Variants in SBF2 observed in about 807,000 individuals in gnomAD.
The protein encoded by SBF2 is SET binding factor 2.
A neutral mutation model predicts 225.2 loss-of-function variants in SBF2; 112 were observed. The observed-to-expected ratio is 0.50, with a 90% CI of 0.43 to 0.58. The LOEUF is 0.58. Among genes scored for constraint, SBF2 ranks in the 20% least tolerant of loss-of-function variants. The probability of loss-of-function intolerance (pLI) is 0.00; values close to 1 mark genes in which losing one functional copy is unlikely to be tolerated. For missense variants in SBF2, 1,996 were observed against 2,206.2 expected (o/e 0.90, Z 1.91); for synonymous variants, 763 against 773.3 (o/e 0.99, Z 0.22).
chr11:10,124,683 G>A (rs932456240), intron 2 of SBF2, among the ~76,000 whole-genome samples: 2 of 152,120 alleles, frequency 1.3e-5, no homozygotes, highest in African/African-American at 2.4e-5. Context: ...TGTAGATAGA[G>A]CTATCACAAT....
chr11:9,822,178 G>A (rs887059989), intron 28 of SBF2, among the ~76,000 whole-genome samples: 1 of 151,810 alleles, frequency 6.6e-6, no homozygotes, highest in Non-Finnish European at 1.5e-5. Context: ...TGAAGACACT[G>A]AGAATTAAGA....
At chr11:9,966,650 T>A (rs1368367223) in intron 14 of SBF2, among the ~76,000 whole-genome samples, 1 of 152,090 alleles carries the variant, frequency 6.6e-6, no homozygotes. Context: ...GCAAATAATA[T>A]ATCTGGTAGG....
intron 26 of SBF2, among the ~76,000 whole-genome samples, chr11:9,833,644 T>A (rs1176981273): frequency 6.6e-6 from 1 of 152,066 alleles, no homozygotes; most frequent in African/African-American, 2.4e-5. Flanking sequence ...ATGGTCTCGA[T>A]CTCCTGACCT....
intron 34 of SBF2, among the ~76,000 whole-genome samples, chr11:9,790,165 C>T (rs554675840): frequency 6.6e-6 from 1 of 152,330 alleles, no homozygotes; most frequent in Non-Finnish European, 1.5e-5. Flanking sequence ...TCTCTGCTTC[C>T]TACAGGGGTC....
intron 3 of SBF2, among the ~76,000 whole-genome samples, chr11:10,037,099 G>C (rs184948450): frequency 6.6e-4 from 101 of 152,194 alleles, no homozygotes; most frequent in South Asian, 1.5e-3. Flanking sequence ...CATCTGTGAG[G>C]GACATCAAGG....
At chr11:10,061,788 A>G (rs994975109) in intron 2 of SBF2, among the ~76,000 whole-genome samples, 2 of 152,200 alleles carry the variant, frequency 1.3e-5, no homozygotes, top group African/African-American at 4.8e-5. Context: ...TACAGACTCA[A>G]TGCTATTCCT....
In SBF2 at chr11:9,999,728, A is replaced by T. The variant is rs1176464673; in HGVS notation, c.861+1186T>A. 3.9e-5 allele frequency among the ~76,000 whole-genome samples: 6 copies of T among 152,230 alleles called. No individual in the cohort carries two copies. In the South Asian group the frequency reaches 1.0e-3, roughly 26 times the overall value. ...TTATTAAATGTTTATTGATTTACACATATTTTTATACAGTGATACCAAAAT... is the reference window on the plus strand; with the variant it reads ...TTATTAAATGTTTATTGATTTACACTTATTTTTATACAGTGATACCAAAAT... On this transcript the variant is annotated intron_variant, in intron 8 of 39. Transcript: ENST00000256190.
chr11:9,989,833 G>A (rs1947348655), intron 12 of SBF2, among the ~76,000 whole-genome samples: 1 of 152,152 alleles, frequency 6.6e-6, no homozygotes, highest in African/African-American at 2.4e-5. Flanking sequence ...CTAGGGAAAA[G>A]TCATTTCTGG....
chr11:9,886,778 C>T (rs1211944065), intron 17 of SBF2, among the ~76,000 whole-genome samples: 2 of 146,192 alleles, frequency 1.4e-5, no homozygotes, highest in African/African-American at 5.0e-5. Flanking sequence ...AAGATAAATG[C>T]TCATTTATCA....
intron 13 of SBF2, among the ~76,000 whole-genome samples, chr11:9,981,609 A>C (rs1294606452): frequency 6.6e-6 from 1 of 152,214 alleles, no homozygotes; most frequent in Non-Finnish European, 1.5e-5. Context: ...TTATGAAAAG[A>C]CTAATGAGAA....
intron 1 of SBF2, among the ~76,000 whole-genome samples, chr11:10,222,474 T>C (rs898340189): frequency 6.6e-6 from 1 of 151,770 alleles, no homozygotes; most frequent in African/African-American, 2.4e-5. Context: ...ATCTGAAAAA[T>C]ACAGTATCTA....
At chr11:10,063,087 A>C (rs914768651) in intron 2 of SBF2, among the ~76,000 whole-genome samples, 3 of 152,204 alleles carry the variant, frequency 2.0e-5, no homozygotes, top group African/African-American at 7.2e-5. Context: ...TAATGCAGGA[A>C]CAGAAAGGCA....
At chr11:9,849,928 G>T in intron 22 of SBF2, 95 bp downstream of exon 22, 2 of 1,215,324 alleles carry the variant, frequency 1.6e-6, no homozygotes, top group Non-Finnish European at 2.4e-6. Context: ...GCTGACTTTG[G>T]ATTTAAAATG....
At chr11:10,072,451 GA>G in intron 2 of SBF2, among the ~76,000 whole-genome samples, 1 of 151,964 alleles carries the variant, frequency 6.6e-6, no homozygotes, top group South Asian at 2.1e-4. Flanking sequence ...AATGACTCAG[GA>G]AACAGTTGAA....
intron 32 of SBF2, among the ~76,000 whole-genome samples, chr11:9,797,066 T>A (rs774398783): frequency 2.6e-5 from 4 of 152,208 alleles, no homozygotes; most frequent in Non-Finnish European, 5.9e-5. Flanking sequence ...CCAATCATAA[T>A]TGTACTTGCT....
chr11:10,103,809 G>A (rs905074222), intron 2 of SBF2, among the ~76,000 whole-genome samples: 20 of 152,126 alleles, frequency 1.3e-4, no homozygotes, highest in Non-Finnish European at 2.4e-4. Context: ...GGCCAGGTGC[G>A]GTGGCTCATA....
At chr11:10,173,207 G>A (rs569209328) in intron 2 of SBF2, among the ~76,000 whole-genome samples, 121 of 152,340 alleles carry the variant, frequency 7.9e-4, no homozygotes, top group Non-Finnish European at 7.1e-4. Flanking sequence ...CAGCGTGAGC[G>A]ACGCAGAAGA....
intron 28 of SBF2, among the ~76,000 whole-genome samples, chr11:9,827,432 G>A (rs1855135249): frequency 6.6e-6 from 1 of 151,940 alleles, no homozygotes; most frequent in African/African-American, 2.4e-5. Flanking sequence ...GGGAGCTTGA[G>A]GCAGGAGGAT....
intron 2 of SBF2, among the ~76,000 whole-genome samples, chr11:10,084,693 C>T (rs1268061029): frequency 1.3e-5 from 2 of 152,116 alleles, no homozygotes; most frequent in Non-Finnish European, 2.9e-5. Context: ...AAGTGTCCAT[C>T]AACGGATGAC....
Sources: gnomAD v4.1 joint callset for allele counts (sites outside exome capture counted in the v4.1 genomes callset) on GRCh38, gnomAD v4.1.1 for gene constraint, MANE v1.5 for transcripts, NCBI Gene and HGNC (gene_info 2026-07-23, HGNC 2026-07-21) for gene names.